The following NKD2 variants were observed in gnomAD, a reference collection of about 807,000 sequenced individuals.
NKD2 encodes the protein NKD inhibitor of Wnt signaling pathway 2.
Under a neutral mutation model 34.8 loss-of-function variants are expected in NKD2, and 43 were observed. The observed-to-expected ratio is 1.24, with a 90% CI of 0.97 to 1.60. The LOEUF (loss-of-function observed/expected upper bound fraction) is 1.60, where lower values mean the gene tolerates loss of function less well. Ranked by LOEUF, NKD2 falls within the 40% of genes most tolerant of loss-of-function variation. The pLI, the probability that NKD2 is intolerant of heterozygous loss-of-function variation, is 0.00. For missense variants in NKD2, 675 were observed against 627.1 expected (o/e 1.08, Z -0.82); for synonymous variants, 278 against 265.1 (o/e 1.05, Z -0.47).
Position 1,009,590 on chromosome 5 carries a change from G to T in NKD2, c.141+30G>T. ...GCGGCGGGGCGGAGGCTGGGGTCGCGCTGCGCACCCGCCCGGGGGCGGGGA... is the reference window on the plus strand; with the variant it reads ...GCGGCGGGGCGGAGGCTGGGGTCGCTCTGCGCACCCGCCCGGGGGCGGGGA... On this transcript the variant is annotated intron_variant, in intron 3 of 9. Coordinates refer to ENST00000296849, the MANE Select transcript of NKD2 (RefSeq NM_033120.4). The surrounding 1 kb of genome is among the most constrained non-coding windows in gnomAD (Gnocchi z 6.9). 1.4e-6 allele frequency: 2 copies of T among 1,412,144 alleles called. No homozygotes were observed. Among genetic ancestry groups the T allele is most frequent in the Non-Finnish European group, 9.1e-7 (1 of 1,093,524 alleles). 87.5% of individuals were successfully genotyped at this position (1,412,144 alleles called of 1,614,324 possible).
rs1180661440 is a variant in NKD2, at chr5:1,037,858, C to T, written c.841C>T (p.Gln281Ter). The change falls in exon 10 of 10, where the codon CAG (glutamine) becomes TAG (stop). Residue 281 changes from glutamine to a stop codon, truncating the protein, a stop_gained. Transcript: ENST00000296849. LOFTEE classifies it low-confidence loss of function (END_TRUNC). ...QEPQGRASHL[Q>*]ARSRSQEPDT... ...GCCCCAGGGCAGGGCCTCGCACCTCCAGGCCCGGTCCCGCTCCCAGGAGCC... is the reference window on the plus strand; with the variant it reads ...GCCCCAGGGCAGGGCCTCGCACCTCTAGGCCCGGTCCCGCTCCCAGGAGCC... 7 of 1,599,094 alleles carry T rather than the reference C, an allele frequency of 4.4e-6. No homozygotes were observed. The East Asian group carries it at 1.3e-4, about 31-fold the overall frequency.
At chr5:1,030,024 G>C (rs988600966) in intron 3 of NKD2, among the ~76,000 whole-genome samples, 5 of 140,692 alleles carry the variant, frequency 3.6e-5, no homozygotes, top group Admixed American at 1.4e-4. Flanking sequence ...GCGGGGGGGG[G>C]GGTACTGAGA....
intron 3 of NKD2, among the ~76,000 whole-genome samples, chr5:1,026,175 G>T (rs1264502989): frequency 3.1e-4 from 19 of 60,618 alleles, no homozygotes; most frequent in African/African-American, 7.7e-4. Context: ...CCAGCCCTTT[G>T]TCCCTGCTCT....
chr5:1,016,840 A>G (rs968449739), intron 3 of NKD2, among the ~76,000 whole-genome samples: 8 of 152,298 alleles, frequency 5.3e-5, no homozygotes, highest in South Asian at 2.1e-4. Context: ...ACAAAGGATA[A>G]CAGAGCCGAC....
chr5:1,029,119 G>C (rs1445150006), intron 3 of NKD2, among the ~76,000 whole-genome samples: 2 of 116,048 alleles, frequency 1.7e-5, no homozygotes, highest in Non-Finnish European at 3.8e-5. Flanking sequence ...GAAATCACCA[G>C]CCACAGAGAT....
Position 1,034,846 on chromosome 5 carries a change from C to A in NKD2, c.517C>A (p.Leu173Ile), listed in dbSNP as rs1560998918. Residue 173 changes from leucine to isoleucine, a missense_variant, in exon 7 of 10, where the codon CTA becomes ATA. By Grantham distance (5) the Leu-to-Ile change is conservative (BLOSUM62 2). Coordinates refer to ENST00000296849, the MANE Select transcript of NKD2 (RefSeq NM_033120.4). ...CAGCAGCAAGACCCTCCGTGTGAAG[C>A]TAACCGTCAGCCCTGAGCCCTCCAG... is the stretch of plus-strand genomic sequence containing the variant. ...SGSSKTLRVK[L>I]TVSPEPSSKR... 6.2e-7 allele frequency: 1 copy of A among 1,612,792 alleles called. No individual in the cohort carries two copies. Among genetic ancestry groups the A allele is most frequent in the Middle Eastern group, 1.7e-4 (1 of 6,060 alleles).
Position 1,008,933 on chromosome 5 carries a change from T to C in NKD2, c.-125T>C. 1 of 390,700 alleles carries C rather than the reference T, an allele frequency of 2.6e-6. No homozygotes were observed. The highest frequency in any genetic ancestry group is 4.5e-6 in the Non-Finnish European group (1 of 221,898). The allele number at this position is 390,700 out of a possible 1,614,324, so 24.2% of individuals were successfully genotyped here. A position where few individuals can be genotyped will look rare whatever the true frequency, so the allele number is the denominator to read the frequency against. On this transcript the variant is annotated 5_prime_UTR_variant, in exon 1 of 10. Transcript: ENST00000296849. Reference sequence around the variant, plus strand: ...GCCCCCGCGCGGCGTGGAGCCATCTTCCCTCACCTCCTACCGGCACCCTAG... The same window carrying C: ...GCCCCCGCGCGGCGTGGAGCCATCTCCCCTCACCTCCTACCGGCACCCTAG...
chr5:1,027,696 CGT>C (rs1319531043), intron 3 of NKD2, among the ~76,000 whole-genome samples: 1 of 152,336 alleles, frequency 6.6e-6, no homozygotes, highest in East Asian at 1.9e-4. Context: ...TGTGGACACC[CGT>C]GTGTTTCCCA....
Position 1,028,118 on chromosome 5 carries a change from C to T in NKD2, c.142-4034C>T, listed in dbSNP as rs540661113. 7.9e-5 allele frequency among the ~76,000 whole-genome samples: 12 copies of T among 152,186 alleles called. No homozygotes were observed. The South Asian group carries it at 8.3e-4, about 11-fold the overall frequency. On this transcript the variant is annotated intron_variant, in intron 3 of 9. Coordinates refer to ENST00000296849, the MANE Select transcript of NKD2 (RefSeq NM_033120.4). The stretch of plus-strand genomic sequence containing the variant: ...GTGGAGGCTGTGGTTTGCATCTTAC[C>T]GTCTGGGCTGGGACCAGGACGGGGG...
intron 3 of NKD2, among the ~76,000 whole-genome samples, chr5:1,011,413 A>G (rs965014085): frequency 6.6e-6 from 1 of 152,104 alleles, no homozygotes; most frequent in African/African-American, 2.4e-5. Flanking sequence ...GCAGGCCACC[A>G]CAGCGAAGTG....
intron 3 of NKD2, among the ~76,000 whole-genome samples, chr5:1,021,439 C>T (rs1205613084): frequency 2.7e-5 from 4 of 146,910 alleles, no homozygotes; most frequent in African/African-American, 1.0e-4. Flanking sequence ...CCCCTCCCCA[C>T]AGGGCCTCAG....
At chr5:1,021,523 G>A (rs1428055984) in intron 3 of NKD2, among the ~76,000 whole-genome samples, 2 of 151,408 alleles carry the variant, frequency 1.3e-5, no homozygotes, top group East Asian at 1.9e-4. Flanking sequence ...AGGAACTGGC[G>A]CACAGTGTTG....
At chr5:1,027,120 C>T (rs1756449116) in intron 3 of NKD2, among the ~76,000 whole-genome samples, 1 of 152,252 alleles carries the variant, frequency 6.6e-6, no homozygotes, top group Non-Finnish European at 1.5e-5. Context: ...GCTCGAGAGC[C>T]ACTGCTTGAC....
At chr5:1,035,057 T>A (rs117324785) in intron 7 of NKD2, among the ~76,000 whole-genome samples, 154 bp downstream of exon 7, 1,597 of 151,782 alleles carry the variant, frequency 0.011, 24 homozygotes, top group East Asian at 0.045. Flanking sequence ...GGTGAGTGAG[T>A]GAGAGAGTAA....
Position 1,033,440 on chromosome 5 carries a change from G to A in NKD2, c.271G>A (p.Glu91Lys), listed in dbSNP as rs1427579544. The change falls in exon 5 of 10, where the codon GAG (glutamate) becomes AAG (lysine). Residue 91 changes from glutamate to lysine, a missense_variant. Coordinates refer to ENST00000296849, the MANE Select transcript of NKD2 (RefSeq NM_033120.4). ...PGQLLSADDG[E>K]RAANREGPRG... ...ACAACTCCTCAGCGCAGATGACGGA[G>A]AGAGGGCAGCAAACCGCGAGGGCCC... 3 of 1,577,542 alleles carry A rather than the reference G, an allele frequency of 1.9e-6. No homozygotes were observed. Among genetic ancestry groups the A allele is most frequent in the Non-Finnish European group, 2.6e-6 (3 of 1,162,430 alleles).
intron 3 of NKD2, among the ~76,000 whole-genome samples, chr5:1,015,426 T>G (rs138796257): frequency 6.6e-6 from 1 of 152,322 alleles, no homozygotes; most frequent in East Asian, 1.9e-4. Flanking sequence ...CAGACACACC[T>G]GAATTTGGAG....
chr5:1,009,538 A>C lies in NKD2; in HGVS notation c.119A>C (p.Glu40Ala). 1 of 1,492,134 alleles carries C rather than the reference A, an allele frequency of 6.7e-7. No homozygotes were observed. The highest frequency in any genetic ancestry group is 8.8e-7 in the Non-Finnish European group (1 of 1,129,970). 92.4% of individuals were successfully genotyped at this position (1,492,134 alleles called of 1,614,324 possible). A position where few individuals can be genotyped will look rare whatever the true frequency, so the allele number is the denominator to read the frequency against. ...GGCCGCAAAGGCGCGGAGGAAGCGG[A>C]GCGGCGCGCGCGGGACAAGCAGGTA... The part of the protein sequence containing the change: ...ASGRKGAEEA[E>A]RRARDKQELP... Residue 40 changes from glutamate (E) to alanine (A), a missense_variant, in exon 3 of 10, where the codon GAG (glutamate) becomes GCG (alanine). By Grantham distance (107) the Glu-to-Ala change is moderately radical. Transcript: ENST00000296849. This position sits in a 1 kb window ranked among gnomAD's most constrained non-coding sequence, Gnocchi z 6.9.
At chr5:1,022,108 C>A (rs2150735055) in intron 3 of NKD2, among the ~76,000 whole-genome samples, 1 of 149,150 alleles carries the variant, frequency 6.7e-6, no homozygotes, top group South Asian at 2.2e-4. Context: ...GCACCCTTGA[C>A]CTTGCTGGCC....
intron 3 of NKD2, among the ~76,000 whole-genome samples, chr5:1,016,278 G>T (rs1424231231): frequency 2.0e-5 from 3 of 152,214 alleles, no homozygotes; most frequent in Non-Finnish European, 4.4e-5. Context: ...TGGCTGATGG[G>T]AGCTTTAATC....
Sources: allele counts gnomAD v4.1 joint callset (sites outside exome capture counted in the v4.1 genomes callset), GRCh38; gene constraint gnomAD v4.1.1; non-coding constraint Gnocchi (gnomAD v3.1); transcripts MANE v1.5; gene names NCBI Gene and HGNC (gene_info 2026-07-23, HGNC 2026-07-21).